TSPEAR: variants seen among roughly 807,000 people sequenced by gnomAD.
TSPEAR encodes the protein thrombospondin type laminin G domain and EAR repeats.
Under a neutral mutation model 71.6 loss-of-function variants are expected in TSPEAR, and 69 were observed. The observed-to-expected ratio is 0.96, with a 90% CI of 0.79 to 1.18. The LOEUF is 1.18. TSPEAR is among the 50% of genes most tolerant of loss of function. TSPEAR has a pLI of 0.00. For missense variants in TSPEAR, 971 were observed against 894.9 expected, an observed-to-expected ratio of 1.09 and a Z score of -1.09; for synonymous variants, 402 against 387.2, an observed-to-expected ratio of 1.04 and a Z score of -0.45.
At chr21:44,666,629 C>T in intron 1 of TSPEAR, 1 of 1,613,356 alleles carries the variant, frequency 6.2e-7, no homozygotes, top group Non-Finnish European at 8.5e-7. Context: ...AGCTCACAGG[C>T]ACACACACAG....
intron 1 of TSPEAR, chr21:44,627,145 C>A (rs1982849021): frequency 4.4e-6 from 7 of 1,603,150 alleles, no homozygotes; most frequent in Non-Finnish European, 6.0e-6. Flanking sequence ...TTACACCTCC[C>A]CCAGCTCACC....
rs782578288 is a variant in TSPEAR, at chr21:44,682,060, C to T, written c.82+29373G>A. On this transcript the variant is annotated intron_variant, in intron 1 of 11. Transcript: ENST00000323084. ...CAGCCCACGGGGATGTAACAGGATGCCTGGCAGGGGCTGGGCGCGCAGCAG... is the reference window on the plus strand; with the variant it reads ...CAGCCCACGGGGATGTAACAGGATGTCTGGCAGGGGCTGGGCGCGCAGCAG... 5.0e-6 allele frequency: 8 copies of T among 1,613,896 alleles called. No individual in the cohort carries two copies. In the African/African-American group the frequency reaches 8.0e-5, roughly 16 times the overall value.
chr21:44,528,726 C>A, intron 5 of TSPEAR, 143 bp from the exon 6 acceptor site: 1 of 1,077,638 alleles, frequency 9.3e-7, no homozygotes, highest in South Asian at 1.6e-5. Flanking sequence ...CACCTTGGCA[C>A]AAGCCTGCCA....
intron 2 of TSPEAR, chr21:44,539,245 C>T: frequency 6.3e-7 from 1 of 1,578,812 alleles, no homozygotes; most frequent in South Asian, 1.2e-5. Flanking sequence ...GAACTGAGCC[C>T]AGCTGGCCCA....
At chr21:44,531,166 A>T (rs1555915735) in intron 3 of TSPEAR, 33 bp from the exon 4 acceptor site, 3 of 1,568,026 alleles carry the variant, frequency 1.9e-6, no homozygotes, top group Admixed American at 1.7e-5. Flanking sequence ...TTAGGGCCAT[A>T]GGAGAGTGGT....
At chr21:44,706,627 C>A (rs1006692414) in intron 1 of TSPEAR, among the ~76,000 whole-genome samples, 2 of 152,222 alleles carry the variant, frequency 1.3e-5, no homozygotes, top group African/African-American at 4.8e-5. Flanking sequence ...TCAGAGGGGG[C>A]GGCCGAGGCA....
chr21:44,603,237 C>T (rs373200662), intron 1 of TSPEAR, among the ~76,000 whole-genome samples: 2 of 152,126 alleles, frequency 1.3e-5, no homozygotes, highest in South Asian at 4.1e-4. Flanking sequence ...ACATGTCCCA[C>T]CTGGCACTCC....
chr21:44,585,470 T>C (rs463668), intron 1 of TSPEAR, among the ~76,000 whole-genome samples: 143,892 of 152,240 alleles, frequency 0.95, 68,152 homozygotes, highest in Non-Finnish European at 0.97. Context: ...TGATTTTCTT[T>C]CATTCTTGGC....
At chr21:44,696,788 A>T (rs781908169) in intron 1 of TSPEAR, among the ~76,000 whole-genome samples, 3 of 152,296 alleles carry the variant, frequency 2.0e-5, no homozygotes, top group African/African-American at 7.2e-5. Context: ...GCTCCAGCCC[A>T]TTGGCCGGCT....
At chr21:44,613,846 G>A (rs1421237078) in intron 1 of TSPEAR, among the ~76,000 whole-genome samples, 3 of 152,010 alleles carry the variant, frequency 2.0e-5, no homozygotes, top group Admixed American at 6.5e-5. Flanking sequence ...CCTTCACGTC[G>A]TTTAGGTGCG....
intron 3 of TSPEAR, among the ~76,000 whole-genome samples, chr21:44,532,465 G>A (rs1401746506): frequency 6.6e-6 from 1 of 152,180 alleles, no homozygotes; most frequent in Non-Finnish European, 1.5e-5. Context: ...CAGCTCTCAG[G>A]ACCTGAGAAC....
chr21:44,637,406 C>G, intron 1 of TSPEAR: 1 of 1,595,978 alleles, frequency 6.3e-7, no homozygotes, highest in South Asian at 1.2e-5. Context: ...CTCACCGCCT[C>G]CCCACTCCAG....
intron 11 of TSPEAR, among the ~76,000 whole-genome samples, 187 bp from the exon 12 acceptor site, chr21:44,500,123 CA>C (rs1296744391): frequency 4.6e-5 from 7 of 152,348 alleles, no homozygotes; most frequent in African/African-American, 1.7e-4. Flanking sequence ...TCTTGCAAAG[CA>C]GGAGGCTGAG....
At chr21:44,512,451 G>A (rs1392772436) in intron 9 of TSPEAR, among the ~76,000 whole-genome samples, 1 of 152,106 alleles carries the variant, frequency 6.6e-6, no homozygotes, top group South Asian at 2.1e-4. Flanking sequence ...GATGGAGACA[G>A]GGGCTTTGGG....
At chr21:44,603,188 C>T (rs943877126) in intron 1 of TSPEAR, among the ~76,000 whole-genome samples, 29 of 152,100 alleles carry the variant, frequency 1.9e-4, no homozygotes, top group African/African-American at 5.8e-4. Flanking sequence ...GAAACTCTGG[C>T]GTGGGGCTGG....
intron 1 of TSPEAR, chr21:44,580,424 C>A (rs1376507122): frequency 1.2e-6 from 2 of 1,612,850 alleles, no homozygotes; most frequent in Non-Finnish European, 1.7e-6. Flanking sequence ...GGCCGCCTGG[C>A]AGCAGGGGCT....
intron 9 of TSPEAR, chr21:44,517,861 C>G (rs1418294597): frequency 2.1e-6 from 1 of 471,114 alleles, no homozygotes; most frequent in East Asian, 6.9e-5. Context: ...TCTCGCGCTC[C>G]TTGGGCTCAG....
chr21:44,638,002 C>T (rs782037793), intron 1 of TSPEAR: 4 of 1,613,854 alleles, frequency 2.5e-6, no homozygotes, highest in Non-Finnish European at 3.4e-6. Context: ...TCCTCTGCCA[C>T]CCTGTGTGCA....
intron 1 of TSPEAR, chr21:44,591,844 C>A (rs782074978): frequency 1.2e-6 from 2 of 1,607,794 alleles, no homozygotes; most frequent in South Asian, 2.2e-5. Flanking sequence ...AGTTGGCTGG[C>A]AGCTAGACTG....
Sources: gnomAD v4.1 joint callset for allele counts (sites outside exome capture counted in the v4.1 genomes callset) on GRCh38, gnomAD v4.1.1 for gene constraint, MANE v1.5 for transcripts, NCBI Gene and HGNC (gene_info 2026-07-23, HGNC 2026-07-21) for gene names.